The following RNF216 variants were observed in gnomAD, a reference collection of about 807,000 sequenced individuals.
The protein encoded by RNF216 is ring finger protein 216, also known as E3 ubiquitin-protein ligase RNF216.
RNF216 carries 72 observed loss-of-function variants against 110.8 expected under a neutral mutation model. That is an observed-to-expected ratio of 0.65 (90% confidence interval 0.54 to 0.79). The LOEUF (loss-of-function observed/expected upper bound fraction) is 0.79. Among genes scored for constraint, RNF216 ranks in the 30% least tolerant of loss-of-function variants. The pLI is 0.00. For synonymous variants in RNF216, 495 were observed against 407.5 expected (o/e 1.21, Z -2.59); for missense variants, 1,342 against 1,141.2 (o/e 1.18, Z -2.54).
intron 3 of RNF216, among the ~76,000 whole-genome samples, chr7:5,751,014 T>C (rs1358350806): frequency 6.6e-6 from 1 of 152,242 alleles, no homozygotes; most frequent in South Asian, 2.1e-4. Context: ...GTCTAGCTAT[T>C]TGGTTTTAGT....
chr7:5,633,807 C>T (rs545014368), intron 15 of RNF216, among the ~76,000 whole-genome samples: 6 of 152,224 alleles, frequency 3.9e-5, no homozygotes, highest in African/African-American at 1.4e-4. Flanking sequence ...TTTCCAGAAA[C>T]GTGCTGCACT....
chr7:5,713,168 TG>T (rs1008088411), intron 11 of RNF216: 1 of 219,100 alleles, frequency 4.6e-6, no homozygotes, highest in Admixed American at 5.3e-5. Context: ...AAGGAGATGC[TG>T]GGGAGAAGTT....
chr7:5,730,848 T>C (rs1425647118), intron 5 of RNF216, 31 bp from the exon 6 acceptor site: 3 of 1,574,676 alleles, frequency 1.9e-6, no homozygotes, highest in Admixed American at 3.7e-5. Flanking sequence ...ACTTTCATAC[T>C]GCTTCCAAAT....
At chr7:5,729,845 C>G (rs1422350177) in intron 6 of RNF216, among the ~76,000 whole-genome samples, 5 of 152,162 alleles carry the variant, frequency 3.3e-5, no homozygotes, top group Non-Finnish European at 7.4e-5. Flanking sequence ...ATCTTACAGC[C>G]ATCTTCTTTC....
At chr7:5,747,276 C>T (rs1377690723) in intron 3 of RNF216, among the ~76,000 whole-genome samples, 1 of 152,164 alleles carries the variant, frequency 6.6e-6, no homozygotes, top group Non-Finnish European at 1.5e-5. Context: ...TTAAAGAATT[C>T]AGAGTCTTAA....
chr7:5,771,753 C>T (rs984386101), intron 1 of RNF216, among the ~76,000 whole-genome samples: 93 of 151,992 alleles, frequency 6.1e-4, no homozygotes, highest in African/African-American at 2.0e-3. Flanking sequence ...GCTGTGATCC[C>T]GCCACTGCAT....
intron 13 of RNF216, among the ~76,000 whole-genome samples, chr7:5,670,725 A>G (rs1789849793): frequency 6.6e-6 from 1 of 152,172 alleles, no homozygotes; most frequent in Non-Finnish European, 1.5e-5. Flanking sequence ...GTAACACAGT[A>G]TGTTGAAATG....
intron 13 of RNF216, among the ~76,000 whole-genome samples, chr7:5,711,467 C>G (rs1792684402): frequency 6.6e-6 from 1 of 152,144 alleles, no homozygotes; most frequent in African/African-American, 2.4e-5. Context: ...AATGTTGACA[C>G]AGTGGAAGAA....
Position 5,621,154 on chromosome 7 carries a change from A to G in RNF216, c.*1706T>C, listed in dbSNP as rs1786329926. Reference sequence around the variant, plus strand: ...AAGCCTCCATCCTGGGCAAAGGCAGAAAGAATGGGTATCTTAGTTTTTTTT... The same window carrying G: ...AAGCCTCCATCCTGGGCAAAGGCAGGAAGAATGGGTATCTTAGTTTTTTTT... On this transcript the variant is annotated 3_prime_UTR_variant, in exon 17 of 17. Transcript: ENST00000389902. 1 of 150,216 alleles carries G rather than the reference A, an allele frequency of 6.7e-6. No individual in the cohort carries two copies. The highest frequency in any genetic ancestry group is 1.5e-5 in the Non-Finnish European group (1 of 67,856). 9.3% of individuals were successfully genotyped at this position (150,216 alleles called of 1,614,324 possible). A position where few individuals can be genotyped will look rare whatever the true frequency, so the allele number is the denominator to read the frequency against.
chr7:5,764,929 G>T (rs953495710), intron 1 of RNF216, among the ~76,000 whole-genome samples: 1 of 151,952 alleles, frequency 6.6e-6, no homozygotes, highest in African/African-American at 2.4e-5. Context: ...AATTAGTTGG[G>T]CATGGTGGCA....
intron 8 of RNF216, among the ~76,000 whole-genome samples, chr7:5,722,991 A>G (rs1325009419): frequency 5.3e-5 from 8 of 152,170 alleles, no homozygotes; most frequent in Admixed American, 5.2e-4. Flanking sequence ...TTTTGGTATT[A>G]TGAGAATAGA....
At chr7:5,771,254 A>G (rs533102811) in intron 1 of RNF216, among the ~76,000 whole-genome samples, 2 of 152,178 alleles carry the variant, frequency 1.3e-5, no homozygotes, top group African/African-American at 4.8e-5. Flanking sequence ...GCCTTACACA[A>G]AAACAATTTT....
At chr7:5,721,913 G>C (rs1793449888) in intron 8 of RNF216, among the ~76,000 whole-genome samples, 1 of 152,202 alleles carries the variant, frequency 6.6e-6, no homozygotes, top group South Asian at 2.1e-4. Context: ...TTGTTTCACT[G>C]ATTTGGCAAT....
chr7:5,753,762 C>T (rs758888335), intron 2 of RNF216, among the ~76,000 whole-genome samples: 30 of 151,978 alleles, frequency 2.0e-4, no homozygotes, highest in Non-Finnish European at 3.8e-4. Context: ...TTTGGGAGGC[C>T]GAGGTGGGTG....
In RNF216 at chr7:5,725,752, C is replaced by T. The variant is rs1334965384; in HGVS notation, c.1390-314G>A. Among the ~76,000 whole-genome samples the T allele has an allele frequency of 3.4e-5, 5 of 148,298 alleles. No individual in the cohort carries two copies. In the East Asian group the frequency reaches 6.1e-4, roughly 18 times the overall value. On this transcript the variant is annotated intron_variant, in intron 7 of 16. Coordinates refer to ENST00000389902, the MANE Select transcript of RNF216 (RefSeq NM_207111.4). The stretch of plus-strand genomic sequence containing the variant: ...GTAATCCCAGCTACTCAGGAGGCTG[C>T]GGCAGGAGAATCGCTTGAACCCAGG...
intron 15 of RNF216, among the ~76,000 whole-genome samples, chr7:5,638,498 T>G (rs1427135080): frequency 2.0e-5 from 3 of 152,154 alleles, no homozygotes; most frequent in African/African-American, 7.2e-5. Flanking sequence ...TATGCCCAAT[T>G]ACAGTGTAGC....
At chr7:5,740,480 C>G (rs1794692963) in intron 4 of RNF216, among the ~76,000 whole-genome samples, 1 of 152,104 alleles carries the variant, frequency 6.6e-6, no homozygotes, top group Non-Finnish European at 1.5e-5. Context: ...GACAGAAACA[C>G]TGTCCTCCAT....
chr7:5,687,171 A>C (rs1175966836), intron 13 of RNF216, among the ~76,000 whole-genome samples: 1 of 152,114 alleles, frequency 6.6e-6, no homozygotes, highest in Non-Finnish European at 1.5e-5. Context: ...TGAGGTGGGC[A>C]GATCACCTGA....
chr7:5,635,395 C>A (rs1400941960), intron 15 of RNF216, among the ~76,000 whole-genome samples: 1 of 151,768 alleles, frequency 6.6e-6, no homozygotes, highest in Non-Finnish European at 1.5e-5. Flanking sequence ...TCTGGGGGCT[C>A]ACTTTACTCT....
Sources: gnomAD v4.1 joint callset for allele counts (sites outside exome capture counted in the v4.1 genomes callset) on GRCh38, gnomAD v4.1.1 for gene constraint, MANE v1.5 for transcripts, NCBI Gene and HGNC (gene_info 2026-07-23, HGNC 2026-07-21) for gene names.